PITPNC1: variants seen among roughly 807,000 people sequenced by gnomAD.
The protein encoded by PITPNC1 is cytoplasmic phosphatidylinositol transfer protein 1.
PITPNC1 carries 18 observed loss-of-function variants against 44.7 expected under a neutral mutation model. The observed-to-expected ratio is 0.40, with a 90% confidence interval of 0.28 to 0.60. The LOEUF (loss-of-function observed/expected upper bound fraction) is 0.60, where lower values mean the gene tolerates loss of function less well. Ranked by LOEUF, PITPNC1 falls within the 20% of genes least tolerant of loss-of-function variation. PITPNC1 has a pLI of 0.39. For missense variants in PITPNC1, 290 were observed against 418.4 expected, an observed-to-expected ratio of 0.69 and a Z score of 2.68; for synonymous variants, 141 against 149.6, an observed-to-expected ratio of 0.94 and a Z score of 0.42.
At chr17:67,429,180 TTTCTA>T (rs1270550914) in intron 1 of PITPNC1, among the ~76,000 whole-genome samples, 1 of 152,148 alleles carries the variant, frequency 6.6e-6, no homozygotes, top group African/African-American at 2.4e-5. Flanking sequence ...GTTTTCTGTT[TTTCTA>T]TTCTATTTTA....
intron 1 of PITPNC1, among the ~76,000 whole-genome samples, chr17:67,411,331 G>A (rs2038493180): frequency 6.6e-6 from 1 of 152,076 alleles, no homozygotes; most frequent in African/African-American, 2.4e-5. Context: ...CTCTGGAGTG[G>A]GGCAAATCTA....
chr17:67,455,037 T>G (rs1175869393), intron 1 of PITPNC1, among the ~76,000 whole-genome samples: 4 of 152,054 alleles, frequency 2.6e-5, no homozygotes, highest in African/African-American at 9.7e-5. Flanking sequence ...CCCAGGCTGG[T>G]CTTGAACTCC....
chr17:67,496,714 C>G (rs1486187381), intron 1 of PITPNC1, among the ~76,000 whole-genome samples: 1 of 151,958 alleles, frequency 6.6e-6, no homozygotes, highest in African/African-American at 2.4e-5. Context: ...TTGAAAAGAA[C>G]TAGTGTGATC....
intron 1 of PITPNC1, among the ~76,000 whole-genome samples, chr17:67,403,637 G>A (rs1567976649): frequency 6.6e-6 from 1 of 152,194 alleles, no homozygotes; most frequent in Non-Finnish European, 1.5e-5. Flanking sequence ...CTCCAAGGTG[G>A]ATCCTATTAT....
chr17:67,579,057 A>C (rs143262562), intron 5 of PITPNC1, among the ~76,000 whole-genome samples: 26 of 152,388 alleles, frequency 1.7e-4, no homozygotes, highest in African/African-American at 5.5e-4. Flanking sequence ...ACTTACACAC[A>C]TGCGGTGTAT....
At chr17:67,507,255 G>A (rs575135412) in intron 1 of PITPNC1, among the ~76,000 whole-genome samples, 1 of 152,314 alleles carries the variant, frequency 6.6e-6, no homozygotes, top group South Asian at 2.1e-4. Flanking sequence ...GTCAGTAACC[G>A]GGGTGGATGA....
intron 1 of PITPNC1, among the ~76,000 whole-genome samples, chr17:67,517,947 AC>A (rs1238254875): frequency 1.3e-5 from 2 of 152,246 alleles, no homozygotes; most frequent in African/African-American, 4.8e-5. Flanking sequence ...CTTTAAGATT[AC>A]TTTTTCCAGC....
At chr17:67,430,044 A>G (rs2038832976) in intron 1 of PITPNC1, among the ~76,000 whole-genome samples, 1 of 152,210 alleles carries the variant, frequency 6.6e-6, no homozygotes. Context: ...GTTCTGAATC[A>G]TTTAATTTTT....
intron 5 of PITPNC1, among the ~76,000 whole-genome samples, chr17:67,629,536 C>T (rs894382756): frequency 3.3e-5 from 5 of 152,194 alleles, no homozygotes; most frequent in South Asian, 2.1e-4. Context: ...ATCAGCCTCC[C>T]GAAGTGCTGG....
chr17:67,398,766 G>GT lies in PITPNC1; in HGVS notation c.48+20565dup, dbSNP rs2038260205. ...ACCACTGAGCTGATCATCACCAGTT[G>GT]TCGTATAAAATCTATTTTTCATTGC... is the stretch of plus-strand genomic sequence containing the variant. On this transcript the variant is annotated intron_variant, in intron 1 of 8. Transcript: ENST00000581322. 2.0e-5 allele frequency among the ~76,000 whole-genome samples: 3 copies of GT among 151,962 alleles called. No individual in the cohort carries two copies. The South Asian group carries it at 6.2e-4, about 32-fold the overall frequency.
chr17:67,601,620 T>A (rs969275945), intron 5 of PITPNC1, among the ~76,000 whole-genome samples: 3 of 151,926 alleles, frequency 2.0e-5, no homozygotes, highest in Non-Finnish European at 4.4e-5. Context: ...GCAAGCATGG[T>A]GGTGCGTGCC....
At chr17:67,664,469 A>G (rs967250997) in intron 6 of PITPNC1, among the ~76,000 whole-genome samples, 1 of 152,044 alleles carries the variant, frequency 6.6e-6, no homozygotes, top group African/African-American at 2.4e-5. Context: ...ACCAGCATCT[A>G]TTGTTTTTTG....
At chr17:67,393,599 C>T (rs1408430724) in intron 1 of PITPNC1, among the ~76,000 whole-genome samples, 1 of 152,154 alleles carries the variant, frequency 6.6e-6, no homozygotes, top group East Asian at 1.9e-4. Flanking sequence ...TTCACTTTTG[C>T]AGCCAGCGAA....
chr17:67,468,704 C>CT (rs898410521), intron 1 of PITPNC1, among the ~76,000 whole-genome samples: 75 of 135,426 alleles, frequency 5.5e-4, no homozygotes, highest in Middle Eastern at 4.8e-3. Flanking sequence ...TGCCTGGCCG[C>CT]TTTTTTTTTT....
chr17:67,677,524 CTTT>C (rs1228563445), intron 8 of PITPNC1, among the ~76,000 whole-genome samples: 1 of 151,288 alleles, frequency 6.6e-6, no homozygotes, highest in Non-Finnish European at 1.5e-5. Flanking sequence ...TGGGGCCTGA[CTTT>C]TCCATCTCAG....
At chr17:67,474,929 T>C (rs1228934104) in intron 1 of PITPNC1, among the ~76,000 whole-genome samples, 1 of 152,136 alleles carries the variant, frequency 6.6e-6, no homozygotes, top group African/African-American at 2.4e-5. Context: ...GTTGGGATTA[T>C]AGGCATGAGC....
At chr17:67,410,469 G>A (rs924711437) in intron 1 of PITPNC1, among the ~76,000 whole-genome samples, 1 of 152,072 alleles carries the variant, frequency 6.6e-6, no homozygotes, top group South Asian at 2.1e-4. Context: ...CTGCAGCTGC[G>A]ACCTCCCAAT....
intron 5 of PITPNC1, among the ~76,000 whole-genome samples, chr17:67,588,958 A>G (rs1388472523): frequency 6.6e-6 from 1 of 152,214 alleles, no homozygotes; most frequent in Non-Finnish European, 1.5e-5. Context: ...ACCTTAGATT[A>G]TTATAACCAG....
intron 6 of PITPNC1, among the ~76,000 whole-genome samples, chr17:67,639,716 A>C (rs1478717674): frequency 6.6e-6 from 1 of 152,226 alleles, no homozygotes. Context: ...ATTGGTCCCC[A>C]CAGATCTAAA....
Sources: gnomAD v4.1 joint callset for allele counts (sites outside exome capture counted in the v4.1 genomes callset) on GRCh38, gnomAD v4.1.1 for gene constraint, MANE v1.5 for transcripts, NCBI Gene and HGNC (gene_info 2026-07-23, HGNC 2026-07-21) for gene names.